The following PAK1 variants were observed in gnomAD, a reference collection of about 807,000 sequenced individuals.
PAK1 encodes serine/threonine-protein kinase PAK 1.
PAK1 carries 29 observed loss-of-function variants against 67.4 expected under a neutral mutation model. The ratio of observed to expected loss-of-function variants is 0.43; its 90% CI spans 0.32 to 0.59. The LOEUF (loss-of-function observed/expected upper bound fraction) is 0.59. Among genes scored for constraint, PAK1 ranks in the 20% least tolerant of loss-of-function variants. PAK1 has a pLI of 0.07. For synonymous variants in PAK1, 223 were observed against 237.4 expected (o/e 0.94, Z 0.56); for missense variants, 337 against 670.7 (o/e 0.50, Z 5.50).
intron 1 of PAK1, among the ~76,000 whole-genome samples, chr11:77,453,134 C>T (rs1212135523): frequency 2.0e-5 from 3 of 152,182 alleles, no homozygotes; most frequent in African/African-American, 7.2e-5. Context: ...GCAAGCAGAT[C>T]GCCTGAGGTC....
At chr11:77,342,386 C>T (rs905581983) in intron 10 of PAK1, among the ~76,000 whole-genome samples, 3 of 152,184 alleles carry the variant, frequency 2.0e-5, no homozygotes, top group Admixed American at 2.0e-4. Context: ...ACACAAATTC[C>T]TTCAATAACA....
intron 1 of PAK1, among the ~76,000 whole-genome samples, chr11:77,440,332 T>G (rs186122732): frequency 6.6e-6 from 1 of 152,126 alleles, no homozygotes; most frequent in Non-Finnish European, 1.5e-5. Context: ...GCCAGGAGTT[T>G]TGAGACCAGC....
intron 2 of PAK1, among the ~76,000 whole-genome samples, chr11:77,386,047 A>G (rs1489340037): frequency 6.6e-6 from 1 of 152,128 alleles, no homozygotes; most frequent in Non-Finnish European, 1.5e-5. Context: ...AGATCTTGGG[A>G]TTGAGAAAAT....
At chr11:77,360,093 GCCT>G (rs1946582629) in intron 5 of PAK1, among the ~76,000 whole-genome samples, 1 of 152,136 alleles carries the variant, frequency 6.6e-6, no homozygotes, top group Middle Eastern at 3.2e-3. Flanking sequence ...GACACCTGGA[GCCT>G]CCTAAGAGGA....
chr11:77,496,567 G>T, the PAK1 span, among the ~76,000 whole-genome samples: 1 of 152,106 alleles, frequency 6.6e-6, no homozygotes. Context: ...AGAGGTTGCA[G>T]TGAGCCACTG....
chr11:77,443,322 A>G (rs1217142435), intron 1 of PAK1, among the ~76,000 whole-genome samples: 1 of 151,798 alleles, frequency 6.6e-6, no homozygotes, highest in Non-Finnish European at 1.5e-5. Context: ...AAAAAAAAAA[A>G]AAGAATTATA....
chr11:77,512,971 G>A, the PAK1 span, among the ~76,000 whole-genome samples: 1 of 152,126 alleles, frequency 6.6e-6, no homozygotes, highest in Non-Finnish European at 1.5e-5. Flanking sequence ...GCACACACCT[G>A]TAGTCCCCGC....
At chr11:77,396,074 C>A (rs1316465172) in intron 1 of PAK1, among the ~76,000 whole-genome samples, 1 of 152,204 alleles carries the variant, frequency 6.6e-6, no homozygotes, top group African/African-American at 2.4e-5. Context: ...TTCAGGCCCA[C>A]AGCCCACGAT....
chr11:77,351,655 CA>C (rs143564049), intron 8 of PAK1, among the ~76,000 whole-genome samples: 2,819 of 151,860 alleles, frequency 0.019, 85 homozygotes, highest in African/African-American at 0.063. Context: ...ACAATAAATG[CA>C]AATAACAGAT....
At chr11:77,507,763 C>T in the PAK1 span, among the ~76,000 whole-genome samples, 3 of 152,112 alleles carry the variant, frequency 2.0e-5, no homozygotes, top group African/African-American at 7.2e-5. Flanking sequence ...TGGCCTCAAG[C>T]AATCCTCTCA....
intron 8 of PAK1, among the ~76,000 whole-genome samples, chr11:77,351,608 A>T (rs1945255705): frequency 6.6e-6 from 1 of 152,308 alleles, no homozygotes; most frequent in African/African-American, 2.4e-5. Context: ...AGAAAAAAAT[A>T]AGATCCACTC....
intron 1 of PAK1, among the ~76,000 whole-genome samples, chr11:77,447,302 T>G (rs958190161): frequency 2.2e-4 from 34 of 152,180 alleles, no homozygotes; most frequent in African/African-American, 8.2e-4. Context: ...AGAATCCCAT[T>G]ATTCCCATTG....
intron 9 of PAK1, among the ~76,000 whole-genome samples, chr11:77,344,333 C>T (rs114252553): frequency 0.016 from 2,420 of 152,216 alleles, 57 homozygotes; most frequent in African/African-American, 0.055. Flanking sequence ...ACATAAAATA[C>T]GGCAAAAGCC....
At chr11:77,464,411 A>G (rs1306337224) in intron 1 of PAK1, among the ~76,000 whole-genome samples, 1 of 152,204 alleles carries the variant, frequency 6.6e-6, no homozygotes, top group East Asian at 1.9e-4. Context: ...AAAATCTGCA[A>G]CTGTCCACTT....
chr11:77,409,993 T>C (rs1396798316), intron 1 of PAK1, among the ~76,000 whole-genome samples: 2 of 152,128 alleles, frequency 1.3e-5, no homozygotes, highest in Non-Finnish European at 2.9e-5. Context: ...GACTATAATC[T>C]TTCTCTTTCT....
At chr11:77,375,941 C>A (rs1293908449) in intron 4 of PAK1, among the ~76,000 whole-genome samples, 1 of 152,148 alleles carries the variant, frequency 6.6e-6, no homozygotes, top group Admixed American at 6.5e-5. Context: ...CATGAACCCA[C>A]AAAGCAGGAA....
At chr11:77,458,866 A>G (rs930627561) in intron 1 of PAK1, among the ~76,000 whole-genome samples, 4 of 152,244 alleles carry the variant, frequency 2.6e-5, no homozygotes, top group African/African-American at 9.6e-5. Context: ...TTAAGAGCCT[A>G]CTACATGCCA....
the PAK1 span, among the ~76,000 whole-genome samples, chr11:77,528,087 G>A: frequency 6.6e-6 from 1 of 151,990 alleles, no homozygotes; most frequent in South Asian, 2.1e-4. Context: ...CTGGGCTCAA[G>A]CAATCCTACA....
the PAK1 span, among the ~76,000 whole-genome samples, chr11:77,496,440 A>G: frequency 5.3e-5 from 8 of 152,242 alleles, no homozygotes; most frequent in South Asian, 1.7e-3. Flanking sequence ...CCTGGTCAAC[A>G]CAGTGAAACC....
Sources: gnomAD v4.1 joint callset for allele counts (sites outside exome capture counted in the v4.1 genomes callset) on GRCh38, gnomAD v4.1.1 for gene constraint, MANE v1.5 for transcripts, NCBI Gene and HGNC (gene_info 2026-07-23, HGNC 2026-07-21) for gene names.